Variants in LAMA1 observed in about 807,000 individuals in gnomAD.
LAMA1 encodes the protein laminin subunit alpha 1.
In LAMA1, 219 loss-of-function variants were observed where a neutral mutation model predicts 348.7. The ratio of observed to expected loss-of-function variants is 0.63; its 90% CI spans 0.56 to 0.70. LAMA1 has a LOEUF of 0.70. Ranked by LOEUF, LAMA1 falls within the 30% of genes least tolerant of loss-of-function variation. LAMA1 has a pLI of 0.00. For missense variants in LAMA1, 3,744 were observed against 3,888.0 expected (o/e 0.96, Z 0.99); for synonymous variants, 1,487 against 1,491.0 (o/e 1.00, Z 0.06).
intron 36 of LAMA1, 113 bp from the exon 37 acceptor site, chr18:6,986,460 G>C: frequency 1.1e-6 from 1 of 898,440 alleles, no homozygotes; most frequent in Admixed American, 2.0e-5. Context: ...TTTTGAAATT[G>C]TAAGTGATAC....
intron 3 of LAMA1, among the ~76,000 whole-genome samples, chr18:7,055,353 T>A (rs553404736): frequency 1.9e-4 from 29 of 149,314 alleles, no homozygotes; most frequent in Non-Finnish European, 3.8e-4. Context: ...ATTGGGAGGC[T>A]GAGGCCAGAA....
intron 1 of LAMA1, among the ~76,000 whole-genome samples, chr18:7,113,282 ATT>A (rs1358240542): frequency 6.6e-6 from 1 of 152,252 alleles, no homozygotes; most frequent in African/African-American, 2.4e-5. Flanking sequence ...GCCAGGAAAC[ATT>A]AGTTAGCTAC....
intron 6 of LAMA1, among the ~76,000 whole-genome samples, chr18:7,045,843 G>T (rs1355122485): frequency 1.3e-5 from 2 of 151,998 alleles, no homozygotes; most frequent in African/African-American, 2.4e-5. Flanking sequence ...ACAGGTGTAA[G>T]CCACCATGCC....
intron 5 of LAMA1, among the ~76,000 whole-genome samples, chr18:7,048,458 C>A: frequency 6.6e-6 from 1 of 152,068 alleles, no homozygotes; most frequent in East Asian, 1.9e-4. Flanking sequence ...CACTCTATTG[C>A]CCAGGCTGGT....
At chr18:7,022,425 C>G (rs1301788663) in intron 19 of LAMA1, among the ~76,000 whole-genome samples, 1 of 152,232 alleles carries the variant, frequency 6.6e-6, no homozygotes, top group Admixed American at 6.5e-5. Context: ...GGCCATAAAA[C>G]ATTTCCAATC....
rs1032861744 is a variant in LAMA1, at chr18:7,049,071, T to C, written c.768+7A>G. On this transcript the variant is annotated splice_region_variant and intron_variant, in intron 5 of 62. Coordinates refer to ENST00000389658, the MANE Select transcript of LAMA1 (RefSeq NM_005559.4). Reference sequence around the variant, plus strand: ...TTTATTTGGCAGGACTGCCGTCCCATACTCACGCGTCTGGTAACAATAGGA... The same window carrying C: ...TTTATTTGGCAGGACTGCCGTCCCACACTCACGCGTCTGGTAACAATAGGA... The C allele has an allele frequency of 1.3e-5, 21 of 1,612,472 alleles. No individual in the cohort carries two copies. Among genetic ancestry groups the C allele is most frequent in the Non-Finnish European group, 1.7e-5 (20 of 1,178,622 alleles).
Position 6,993,681 on chromosome 18 carries a change from G to C in LAMA1, c.4968C>G (p.Asp1656Glu), listed in dbSNP as rs762161770. Reference sequence around the variant, plus strand: ...GCAGCCTCTCAATGGCTATGGCCAGGTCTTGACTCTCCTTGAAGATTCTCT... The same window carrying C: ...GCAGCCTCTCAATGGCTATGGCCAGCTCTTGACTCTCCTTGAAGATTCTCT... ...ATERIFKESQ[D>E]LAIAIERLQM... Residue 1656 changes from aspartate to glutamate, a missense_variant, in exon 35 of 63, where the codon GAC becomes GAG. Transcript: ENST00000389658. 3 of 1,614,010 alleles carry C rather than the reference G, an allele frequency of 1.9e-6. No individual in the cohort carries two copies. The highest frequency in any genetic ancestry group is 2.7e-5 in the African/African-American group (2 of 75,016).
intron 18 of LAMA1, 26 bp from the exon 19 acceptor site, chr18:7,023,401 CA>C (rs1419626428): frequency 4.4e-6 from 7 of 1,592,524 alleles, no homozygotes; most frequent in Non-Finnish European, 2.6e-6. Flanking sequence ...AAAGTGGGAT[CA>C]GACAAATGCA....
At chr18:6,956,452 T>C in intron 56 of LAMA1, 184 bp downstream of exon 56, 1 of 907,982 alleles carries the variant, frequency 1.1e-6, no homozygotes, top group Non-Finnish European at 1.8e-6. Flanking sequence ...GGCCGTGTCA[T>C]CTGAGTTGCT....
intron 56 of LAMA1, chr18:6,955,951 G>T (rs1026397886): frequency 1.9e-5 from 6 of 316,272 alleles, no homozygotes; most frequent in Admixed American, 8.7e-5. Context: ...GACAAGAGGA[G>T]CCAGGCGGGA....
rs560435526 is a variant in LAMA1, at chr18:7,003,352, G to A, written c.4261-967C>T. Among the ~76,000 whole-genome samples the A allele has an allele frequency of 4.3e-4, 65 of 151,642 alleles. 1 individual carries two copies. The highest frequency in any genetic ancestry group is 4.0e-3 in the South Asian group (19 of 4,792). ...TGTGAGCTCCACCTCCCGGGTTCAC[G>A]CCATTCTCCTGCCTCAGCCTCCCGA... is the stretch of plus-strand genomic sequence containing the variant. On this transcript the variant is annotated intron_variant, in intron 29 of 62. Coordinates refer to ENST00000389658, the MANE Select transcript of LAMA1 (RefSeq NM_005559.4).
rs758867374 is a variant in LAMA1, at chr18:7,117,763, G to A, written c.-43C>T. The A allele has an allele frequency of 3.2e-6, 5 of 1,560,010 alleles. No individual in the cohort carries two copies. The highest frequency in any genetic ancestry group is 2.3e-5 in the East Asian group (1 of 43,208). On this transcript the variant is annotated 5_prime_UTR_variant, in exon 1 of 63. Coordinates refer to ENST00000389658, the MANE Select transcript of LAMA1 (RefSeq NM_005559.4). The stretch of plus-strand genomic sequence containing the variant: ...TCGGTGGGTCTGGGGAGAAAGCCGC[G>A]CGCCCGCCTGGAACGCTCCACGGGA...
chr18:7,027,134 G>A (rs994675936), intron 16 of LAMA1, among the ~76,000 whole-genome samples: 1 of 152,188 alleles, frequency 6.6e-6, no homozygotes, highest in Non-Finnish European at 1.5e-5. Context: ...CTGGAGGGAA[G>A]GATGCTATAC....
chr18:7,113,530 G>A (rs575762048), intron 1 of LAMA1, among the ~76,000 whole-genome samples: 6 of 152,238 alleles, frequency 3.9e-5, no homozygotes, highest in Admixed American at 1.3e-4. Flanking sequence ...TAAACATGAA[G>A]GAAAGTAAGT....
At chr18:7,055,319 G>A (rs142185987) in intron 3 of LAMA1, among the ~76,000 whole-genome samples, 4,241 of 151,908 alleles carry the variant, frequency 0.028, 185 homozygotes, top group African/African-American at 0.095. Flanking sequence ...TGGGTGTAGT[G>A]GCACATGCCT....
intron 30 of LAMA1, among the ~76,000 whole-genome samples, chr18:7,002,054 C>A (rs747017696): frequency 2.0e-5 from 3 of 152,196 alleles, no homozygotes; most frequent in African/African-American, 7.2e-5. Flanking sequence ...TGCTTCCATC[C>A]AAACATCCAA....
At chr18:6,964,439 G>T (rs1175019588) in intron 51 of LAMA1, among the ~76,000 whole-genome samples, 1 of 152,156 alleles carries the variant, frequency 6.6e-6, no homozygotes, top group Non-Finnish European at 1.5e-5. Flanking sequence ...AGGAATCCCT[G>T]AGGCGACCAG....
chr18:7,002,704 C>T (rs895360413), intron 29 of LAMA1, among the ~76,000 whole-genome samples: 1 of 151,918 alleles, frequency 6.6e-6, no homozygotes, highest in African/African-American at 2.4e-5. Context: ...TTTAGTGCCC[C>T]AAAAAACAAT....
intron 57 of LAMA1, among the ~76,000 whole-genome samples, chr18:6,952,032 C>T (rs975075083): frequency 2.0e-5 from 3 of 152,062 alleles, no homozygotes; most frequent in Non-Finnish European, 2.9e-5. Flanking sequence ...ATGCAGATCT[C>T]GAGTGGCTGG....
Sources: gnomAD v4.1 joint callset for allele counts (sites outside exome capture counted in the v4.1 genomes callset) on GRCh38, gnomAD v4.1.1 for gene constraint, MANE v1.5 for transcripts, NCBI Gene and HGNC (gene_info 2026-07-23, HGNC 2026-07-21) for gene names.